The following UNC13C variants were observed in gnomAD, a reference collection of about 807,000 sequenced individuals.
The protein encoded by UNC13C is protein unc-13 homolog C.
Under a neutral mutation model 245.4 loss-of-function variants are expected in UNC13C, and 174 were observed. That is an observed-to-expected ratio of 0.71 (90% CI 0.63 to 0.80). UNC13C has a LOEUF of 0.80. Ranked by LOEUF, UNC13C falls within the 30% of genes least tolerant of loss-of-function variation. UNC13C has a pLI of 0.00. For synonymous variants in UNC13C, 992 were observed against 895.1 expected, an observed-to-expected ratio of 1.11 and a Z score of -1.93; for missense variants, 2,829 against 2,602.9, an observed-to-expected ratio of 1.09 and a Z score of -1.89.
the UNC13C span, among the ~76,000 whole-genome samples, chr15:53,866,660 G>A: frequency 2.8e-4 from 42 of 152,218 alleles, no homozygotes; most frequent in East Asian, 8.1e-3. Flanking sequence ...CAATCCAATC[G>A]AATCTTCGAG....
intron 19 of UNC13C, among the ~76,000 whole-genome samples, chr15:54,460,207 G>T (rs1891760374): frequency 6.6e-6 from 1 of 152,182 alleles, no homozygotes; most frequent in Non-Finnish European, 1.5e-5. Context: ...CTGGGCTTGT[G>T]CTGTGGAATG....
intron 30 of UNC13C, chr15:54,609,437 T>C (rs1346486764): frequency 6.6e-6 from 1 of 152,308 alleles, no homozygotes; most frequent in Middle Eastern, 3.4e-3. Context: ...CTGAGCCACA[T>C]CAGTGATGTA....
Position 54,013,766 on chromosome 15 carries a change from T to C in UNC13C, c.863T>C (p.Ile288Thr), listed in dbSNP as rs1365167868. 1 of 1,610,660 alleles carries C rather than the reference T, an allele frequency of 6.2e-7. No homozygotes were observed. The highest frequency in any genetic ancestry group is 8.5e-7 in the Non-Finnish European group (1 of 1,178,532). ...SSSVEVVQSE[I>T]EQLRTGFVQS... ...AGTGTGGAGGTTGTACAAAGTGAAA[T>C]TGAGCAGTTGCGCACAGGGTTTGTC... The change falls in exon 2 of 33, where the codon ATT becomes ACT. Residue 288 changes from isoleucine (I) to threonine (T), a missense_variant. Transcript: ENST00000260323.
chr15:53,921,397 A>G, the UNC13C span, among the ~76,000 whole-genome samples: 2 of 152,228 alleles, frequency 1.3e-5, no homozygotes, highest in South Asian at 4.1e-4. Context: ...GGAAATTCAC[A>G]TCTGTAACTT....
chr15:54,102,882 C>T (rs916075409), intron 2 of UNC13C, among the ~76,000 whole-genome samples: 2 of 152,220 alleles, frequency 1.3e-5, no homozygotes, highest in East Asian at 3.8e-4. Flanking sequence ...TTTGCTAATG[C>T]TGTTGCCATA....
At chr15:53,938,812 G>A in the UNC13C span, among the ~76,000 whole-genome samples, 135,209 of 152,146 alleles carry the variant, frequency 0.89, 61,493 homozygotes, top group Middle Eastern at 0.98. Flanking sequence ...ACTAATGAGA[G>A]CAAAGAATGT....
At chr15:54,469,520 T>A (rs1892347992) in intron 19 of UNC13C, among the ~76,000 whole-genome samples, 1 of 151,554 alleles carries the variant, frequency 6.6e-6, no homozygotes, top group African/African-American at 2.4e-5. Flanking sequence ...AATCTGTGCA[T>A]GTTCAATCCC....
At chr15:53,862,092 T>C in the UNC13C span, among the ~76,000 whole-genome samples, 2 of 152,132 alleles carry the variant, frequency 1.3e-5, no homozygotes, top group Non-Finnish European at 2.9e-5. Context: ...TTTTGGAGGC[T>C]AGAAGTCCAA....
intron 17 of UNC13C, among the ~76,000 whole-genome samples, chr15:54,345,367 G>A (rs998260869): frequency 2.6e-5 from 4 of 152,276 alleles, no homozygotes; most frequent in Admixed American, 2.6e-4. Flanking sequence ...TAGACTCTCA[G>A]TGCTTGCCTA....
At chr15:53,909,994 C>CT in the UNC13C span, among the ~76,000 whole-genome samples, 195 of 124,678 alleles carry the variant, frequency 1.6e-3, 10 homozygotes, top group East Asian at 8.9e-3. Flanking sequence ...AGTGGAAATA[C>CT]TTTTTTTTTT....
chr15:54,488,266 T>C (rs1893527722), intron 19 of UNC13C, among the ~76,000 whole-genome samples: 1 of 152,206 alleles, frequency 6.6e-6, no homozygotes, highest in South Asian at 2.1e-4. Flanking sequence ...AATTTTGTGT[T>C]TGTGAGCACA....
chr15:53,953,996 A>C, the UNC13C span, among the ~76,000 whole-genome samples: 1 of 152,196 alleles, frequency 6.6e-6, no homozygotes, highest in Non-Finnish European at 1.5e-5. Flanking sequence ...TCCGAGCTTC[A>C]TAGTGAAGGA....
chr15:54,156,916 TCAG>T (rs1459431511), intron 4 of UNC13C, among the ~76,000 whole-genome samples: 3 of 151,872 alleles, frequency 2.0e-5, no homozygotes, highest in Admixed American at 2.0e-4. Context: ...CAATTCAGAC[TCAG>T]CAGTTAGAAC....
chr15:54,423,685 A>G (rs955893984), intron 19 of UNC13C, among the ~76,000 whole-genome samples: 2 of 151,872 alleles, frequency 1.3e-5, no homozygotes, highest in African/African-American at 4.8e-5. Flanking sequence ...CAATCAAGAA[A>G]ATAAAGTTGG....
At position 54,581,724 on chromosome 15, in the gene UNC13C, T is replaced by G. The variant is rs1316602040; in HGVS notation, c.6106+13777T>G. Reference sequence around the variant, plus strand: ...TTCTATCTATAGCACATGGAAACTTTTCAGAAGTGCTAAATTTTGGGCTTT... The same window carrying G: ...TTCTATCTATAGCACATGGAAACTTGTCAGAAGTGCTAAATTTTGGGCTTT... On this transcript the variant is annotated intron_variant, in intron 30 of 32. Coordinates refer to ENST00000260323, the MANE Select transcript of UNC13C (RefSeq NM_001080534.3). Among the ~76,000 whole-genome samples, 4 of 152,220 alleles carry G rather than the reference T, an allele frequency of 2.6e-5. No individual in the cohort carries two copies. In the East Asian group the frequency reaches 7.7e-4, roughly 29 times the overall value.
intron 2 of UNC13C, among the ~76,000 whole-genome samples, chr15:54,034,791 A>G (rs754037314): frequency 1.3e-5 from 2 of 152,230 alleles, no homozygotes; most frequent in Non-Finnish European, 2.9e-5. Context: ...AGCTGACTTC[A>G]GAACCTCCTC....
chr15:54,005,644 A>C (rs1895101866), intron 1 of UNC13C, among the ~76,000 whole-genome samples: 1 of 152,248 alleles, frequency 6.6e-6, no homozygotes, highest in Admixed American at 6.5e-5. Context: ...TTCAGACTAT[A>C]TAGACTGTAA....
rs1202618938 is a variant in UNC13C at position 54,250,733 on chromosome 15, T to TTTTCTTTCTTTCTTTC, written c.3448+293_3448+308dup. On this transcript the variant is annotated intron_variant, in intron 8 of 32. Transcript: ENST00000260323. ...CTTCCTATCTATTTTCTTTTTTGTCTTTTCTTTCTTTCTTTCTTTTTTTTT... is the reference window on the plus strand; with the variant it reads ...CTTCCTATCTATTTTCTTTTTTGTCTTTTCTTTCTTTCTTTCTTTCTTTCTTTCTTTCTTTTTTTTT... Among the ~76,000 whole-genome samples the TTTTCTTTCTTTCTTTC allele has an allele frequency of 7.4e-3, 653 of 87,694 alleles. 17 individuals carry two copies. Among genetic ancestry groups the TTTTCTTTCTTTCTTTC allele is most frequent in the African/African-American group, 0.011 (158 of 14,912 alleles). 57.5% of individuals were successfully genotyped at this position (87,694 alleles called of 152,430 possible).
chr15:54,243,234 G>T (rs912661044), intron 7 of UNC13C, among the ~76,000 whole-genome samples: 2 of 151,872 alleles, frequency 1.3e-5, no homozygotes, highest in African/African-American at 2.4e-5. Flanking sequence ...AACATATGGG[G>T]CTTGGTTTTC....
Sources: allele counts gnomAD v4.1 joint callset (sites outside exome capture counted in the v4.1 genomes callset), GRCh38; gene constraint gnomAD v4.1.1; transcripts MANE v1.5; gene names NCBI Gene and HGNC (gene_info 2026-07-23, HGNC 2026-07-21).